TRHDE: variants seen among roughly 807,000 people sequenced by gnomAD.
TRHDE encodes the protein thyrotropin-releasing hormone-degrading ectoenzyme.
In TRHDE, 72 loss-of-function variants were observed where a neutral mutation model predicts 125.7. The ratio of observed to expected loss-of-function variants is 0.57; its 90% CI spans 0.47 to 0.70. The LOEUF is 0.70. Among genes scored for constraint, TRHDE ranks in the 30% least tolerant of loss-of-function variants. TRHDE has a pLI of 0.00. For synonymous variants in TRHDE, 509 were observed against 509.1 expected, an observed-to-expected ratio of 1.00 and a Z score of 0.00; for missense variants, 1,110 against 1,327.1, an observed-to-expected ratio of 0.84 and a Z score of 2.54.
chr12:72,520,276 T>C (rs562040724), intron 6 of TRHDE, among the ~76,000 whole-genome samples: 1 of 152,302 alleles, frequency 6.6e-6, no homozygotes, highest in Non-Finnish European at 1.5e-5. Context: ...CAGACTGCTG[T>C]GCTAGCAATC....
chr12:72,383,370 ATTTTTTTTTT>A (rs552559387), intron 3 of TRHDE, among the ~76,000 whole-genome samples: 45 of 100,954 alleles, frequency 4.5e-4, no homozygotes, highest in East Asian at 1.9e-3. Flanking sequence ...AACCCATTTA[ATTTTTTTTTT>A]TTTTTTTTTT....
intron 2 of TRHDE, among the ~76,000 whole-genome samples, chr12:72,105,914 C>G (rs1875176632): frequency 6.6e-6 from 1 of 152,176 alleles, no homozygotes; most frequent in East Asian, 1.9e-4. Flanking sequence ...AAATATACCT[C>G]TCTCTTCCTA....
intron 12 of TRHDE, among the ~76,000 whole-genome samples, chr12:72,615,785 T>C (rs1336467562): frequency 2.0e-5 from 3 of 152,156 alleles, no homozygotes; most frequent in Non-Finnish European, 4.4e-5. Flanking sequence ...ATGGAAATTA[T>C]TTCTGCTCAC....
In TRHDE at chr12:72,272,819, G is replaced by T; in HGVS notation, c.176G>T (p.Gly59Val). ...GCCGCGCTTCGGGCTGGCAGCAGGG[G>T]GCTCTCCGACCCGTGGGCAGACTCA... Reference protein sequence around the residue: ...DDAALRAGSRGLSDPWADSVG... With the variant: ...DDAALRAGSRVLSDPWADSVG... Residue 59 changes from glycine (G) to valine (V), a missense_variant, in exon 1 of 19, where the codon GGG becomes GTG. Transcript: ENST00000261180. This position sits in a 1 kb window ranked among gnomAD's most constrained non-coding sequence, Gnocchi z 6.7. The T allele has an allele frequency of 6.3e-7, 1 of 1,574,954 alleles. No individual in the cohort carries two copies. The highest frequency in any genetic ancestry group is 8.6e-7 in the Non-Finnish European group (1 of 1,165,160).
rs558007139 is a variant in TRHDE at position 72,619,158 on chromosome 12, C to T, written c.2469+120C>T. 2.9e-5 allele frequency: 22 copies of T among 765,398 alleles called. No homozygotes were observed. In the South Asian group the frequency reaches 8.2e-4, roughly 28 times the overall value. The allele number at this position is 765,398 out of a possible 1,614,324, so 47.4% of individuals were successfully genotyped here. ...AGTTTGTTCTTCTAGTTTGTGTTATCCCGATTTTTGTCCTGATTGTCTATG... is the reference window on the plus strand; with the variant it reads ...AGTTTGTTCTTCTAGTTTGTGTTATTCCGATTTTTGTCCTGATTGTCTATG... On this transcript the variant is annotated intron_variant, in intron 13 of 18. Transcript: ENST00000261180.
intron 2 of TRHDE, among the ~76,000 whole-genome samples, chr12:72,341,896 A>G (rs1230259875): frequency 6.6e-6 from 1 of 152,182 alleles, no homozygotes. Context: ...GTTAAGTTAC[A>G]AGAATATTCA....
intron 15 of TRHDE, among the ~76,000 whole-genome samples, chr12:72,638,741 T>C (rs1165084227): frequency 2.0e-5 from 3 of 151,674 alleles, no homozygotes; most frequent in Admixed American, 1.3e-4. Flanking sequence ...CTGTAAAGTA[T>C]TTTATTTCTC....
intron 12 of TRHDE, among the ~76,000 whole-genome samples, chr12:72,596,133 G>A (rs1055580696): frequency 7.9e-5 from 12 of 151,810 alleles, no homozygotes; most frequent in African/African-American, 2.9e-4. Context: ...GTTTCCCTTT[G>A]GTAAGAAATA....
chr12:72,567,856 A>G (rs1012753679), intron 9 of TRHDE, among the ~76,000 whole-genome samples: 22 of 152,088 alleles, frequency 1.4e-4, no homozygotes, highest in African/African-American at 5.3e-4. Context: ...ATGTATAAGT[A>G]TAGGCCTCAA....
At chr12:72,222,348 C>A (rs949323146) in intron 2 of TRHDE, among the ~76,000 whole-genome samples, 1 of 152,068 alleles carries the variant, frequency 6.6e-6, no homozygotes, top group Non-Finnish European at 1.5e-5. Flanking sequence ...GCCTGCCACA[C>A]TAAGTCACAG....
At chr12:72,418,081 T>A (rs1365584068) in intron 3 of TRHDE, among the ~76,000 whole-genome samples, 1 of 152,070 alleles carries the variant, frequency 6.6e-6, no homozygotes, top group Non-Finnish European at 1.5e-5. Context: ...CTTTATTAAT[T>A]CTTGCTATCA....
At chr12:72,568,117 TAATA>T (rs1406008632) in intron 9 of TRHDE, among the ~76,000 whole-genome samples, 1 of 152,056 alleles carries the variant, frequency 6.6e-6, no homozygotes, top group Non-Finnish European at 1.5e-5. Flanking sequence ...TAAAGTACAT[TAATA>T]GTGTCCTACA....
chr12:72,566,471 G>C (rs1388792918), intron 9 of TRHDE, among the ~76,000 whole-genome samples: 1 of 151,154 alleles, frequency 6.6e-6, no homozygotes, highest in African/African-American at 2.5e-5. Flanking sequence ...AGGAAGTGCT[G>C]TATGTATGTG....
At chr12:72,430,901 C>T (rs541183207) in intron 3 of TRHDE, among the ~76,000 whole-genome samples, 1 of 152,006 alleles carries the variant, frequency 6.6e-6, no homozygotes, top group South Asian at 2.1e-4. Context: ...CTTTTTAAAA[C>T]TAATTTAGGT....
intron 16 of TRHDE, 67 bp from the exon 17 acceptor site, chr12:72,652,949 T>G: frequency 7.3e-7 from 1 of 1,376,578 alleles, no homozygotes; most frequent in South Asian, 1.4e-5. Flanking sequence ...GTCCTATAAT[T>G]TTAGTAAGAT....
intron 2 of TRHDE, among the ~76,000 whole-genome samples, chr12:72,303,837 G>A (rs1868297357): frequency 6.6e-6 from 1 of 152,158 alleles, no homozygotes; most frequent in Non-Finnish European, 1.5e-5. Flanking sequence ...AGCCAAAAAT[G>A]AGGGGTTCTT....
intron 3 of TRHDE, among the ~76,000 whole-genome samples, chr12:72,452,991 G>C (rs1565747303): frequency 6.6e-6 from 1 of 152,288 alleles, no homozygotes; most frequent in East Asian, 1.9e-4. Flanking sequence ...TGTGAGAACA[G>C]CCTAACACAG....
intron 2 of TRHDE, among the ~76,000 whole-genome samples, chr12:72,320,826 A>G (rs531302096): frequency 4.3e-4 from 66 of 152,236 alleles, no homozygotes; most frequent in African/African-American, 1.5e-3. Context: ...GTGTGGCCTC[A>G]GGCAAGCTGT....
At chr12:72,575,567 A>C (rs752908144) in intron 12 of TRHDE, 25 bp downstream of exon 12, 9 of 1,611,548 alleles carry the variant, frequency 5.6e-6, no homozygotes, top group Non-Finnish European at 7.6e-6. Context: ...GGATCTCCCC[A>C]ATAAAAACTT....
Sources: allele counts gnomAD v4.1 joint callset (sites outside exome capture counted in the v4.1 genomes callset), GRCh38; gene constraint gnomAD v4.1.1; non-coding constraint Gnocchi (gnomAD v3.1); transcripts MANE v1.5; gene names NCBI Gene and HGNC (gene_info 2026-07-23, HGNC 2026-07-21).